The following ARFGEF3 variants were observed in gnomAD, a reference collection of about 807,000 sequenced individuals.
The protein encoded by ARFGEF3 is brefeldin A-inhibited guanine nucleotide-exchange protein 3.
A neutral mutation model predicts 221.7 loss-of-function variants in ARFGEF3; 96 were observed. The ratio of observed to expected loss-of-function variants is 0.43; its 90% confidence interval spans 0.37 to 0.51. The LOEUF is 0.51. Among genes scored for constraint, ARFGEF3 ranks in the 20% least tolerant of loss-of-function variants. The pLI is 0.00. For synonymous variants in ARFGEF3, 1,145 were observed against 1,126.8 expected (o/e 1.02, Z -0.32); for missense variants, 2,410 against 2,789.9 (o/e 0.86, Z 3.07).
Position 138,317,259 on chromosome 6 carries a change from G to A in ARFGEF3, c.4354G>A (p.Glu1452Lys). The change falls in exon 27 of 34, where the codon GAA (glutamate) becomes AAA (lysine). Residue 1452 changes from glutamate (E) to lysine (K), a missense_variant. Transcript: ENST00000251691. ...SDFDDDTGLIEVWIILLEQLT... is the reference protein window; with the variant it reads ...SDFDDDTGLIKVWIILLEQLT... Reference sequence around the variant, plus strand: ...TGCTTTTTGGTTTCCAGGTCTGATAGAAGTCTGGATAATCCTGCTGGAGCA... The same window carrying A: ...TGCTTTTTGGTTTCCAGGTCTGATAAAAGTCTGGATAATCCTGCTGGAGCA... 6.2e-7 allele frequency: 1 copy of A among 1,613,440 alleles called. No individual in the cohort carries two copies. Among genetic ancestry groups the A allele is most frequent in the Non-Finnish European group, 8.5e-7 (1 of 1,179,734 alleles).
chr6:138,311,566 G>C (rs45572337), intron 25 of ARFGEF3, 56 bp downstream of exon 25: 55,514 of 1,203,252 alleles, frequency 0.046, 1,375 homozygotes, highest in Non-Finnish European at 0.05. Flanking sequence ...GGAACATGCT[G>C]CCAAAACATG....
rs1213222032 is a variant in ARFGEF3 at position 138,162,179 on chromosome 6, T to G, written c.85+8T>G. On this transcript the variant is annotated splice_region_variant and intron_variant, in intron 1 of 33. Transcript: ENST00000251691. This position sits in a 1 kb window ranked among gnomAD's most constrained non-coding sequence, Gnocchi z 4.7. Reference sequence around the variant, plus strand: ...GCTGCACCTGGGCCCTGGGTAAGCGTCCGGCACCTGCTCGCCGCGGCGGGA... The same window carrying G: ...GCTGCACCTGGGCCCTGGGTAAGCGGCCGGCACCTGCTCGCCGCGGCGGGA... The G allele has an allele frequency of 6.3e-7, 1 of 1,592,242 alleles. No individual in the cohort carries two copies. Among genetic ancestry groups the G allele is most frequent in the East Asian group, 2.3e-5 (1 of 42,844 alleles).
chr6:138,287,227 A>C, intron 17 of ARFGEF3, 43 bp downstream of exon 17: 1 of 1,445,416 alleles, frequency 6.9e-7, no homozygotes, highest in South Asian at 1.2e-5. Context: ...CCTTGGGTGC[A>C]GTATGCACAC....
chr6:138,310,825 T>C (rs1339314954), intron 24 of ARFGEF3, among the ~76,000 whole-genome samples: 1 of 152,258 alleles, frequency 6.6e-6, no homozygotes, highest in Non-Finnish European at 1.5e-5. Flanking sequence ...AGAAAAATCA[T>C]TTAAATGCAA....
At chr6:138,231,782 G>A (rs967231569) in intron 5 of ARFGEF3, among the ~76,000 whole-genome samples, 2 of 152,122 alleles carry the variant, frequency 1.3e-5, no homozygotes, top group Non-Finnish European at 2.9e-5. Flanking sequence ...ATCAGGAAGT[G>A]GGATGTGTAC....
intron 1 of ARFGEF3, among the ~76,000 whole-genome samples, chr6:138,165,925 A>C (rs1192628928): frequency 6.6e-6 from 1 of 152,228 alleles, no homozygotes; most frequent in East Asian, 1.9e-4. Context: ...CTGATGGTTC[A>C]TGAGTGTATC....
At chr6:138,331,824 G>A (rs1027377002) in intron 32 of ARFGEF3, among the ~76,000 whole-genome samples, 2 of 152,162 alleles carry the variant, frequency 1.3e-5, no homozygotes, top group Non-Finnish European at 2.9e-5. Flanking sequence ...AGATGATTAA[G>A]AATTGCATAT....
chr6:138,226,802 A>G (rs938250314), intron 4 of ARFGEF3, among the ~76,000 whole-genome samples: 1 of 152,224 alleles, frequency 6.6e-6, no homozygotes, highest in Non-Finnish European at 1.5e-5. Context: ...GAATTAATAC[A>G]TGCTAAGCAT....
At chr6:138,231,587 T>C (rs1467998289) in intron 5 of ARFGEF3, among the ~76,000 whole-genome samples, 3 of 152,186 alleles carry the variant, frequency 2.0e-5, no homozygotes, top group Non-Finnish European at 1.5e-5. Flanking sequence ...TCCAGCCACA[T>C]GGTAAATGTG....
rs867667914 is a variant in ARFGEF3 at position 138,291,779 on chromosome 6, G to T, written c.3094G>T (p.Gly1032Cys). 6.9e-7 allele frequency: 1 copy of T among 1,459,046 alleles called. No individual in the cohort carries two copies. The highest frequency in any genetic ancestry group is 9.1e-7 in the Non-Finnish European group (1 of 1,103,768). 90.4% of individuals were successfully genotyped at this position (1,459,046 alleles called of 1,614,324 possible). ...CCTGGAGCACAACCACTTCAGCGAT[G>T]GTGCCTCGCAGCCCCCTCTGACCAT... ...GTLEHNHFSDGASQPPLTISQ... is the reference protein window; with the variant it reads ...GTLEHNHFSDCASQPPLTISQ... The change falls in exon 19 of 34, where the codon GGT becomes TGT. Residue 1032 changes from glycine (G) to cysteine (C), a missense_variant. Physicochemically the swap from Gly to Cys is radical, Grantham distance 159. Around this residue, in one of 5 missense-constraint regions of ARFGEF3, gnomAD observed 594 missense variants for 734.3 expected, o/e 0.81. Transcript: ENST00000251691. The surrounding 1 kb of genome is among the most constrained non-coding windows in gnomAD (Gnocchi z 4.5).
At chr6:138,299,183 C>T (rs1225314053) in intron 22 of ARFGEF3, among the ~76,000 whole-genome samples, 1 of 109,776 alleles carries the variant, frequency 9.1e-6, no homozygotes, top group Non-Finnish European at 1.7e-5. Context: ...GCCTGAGTGA[C>T]AGAGCGAGAC....
At chr6:138,213,084 T>G (rs1460442817) in intron 4 of ARFGEF3, among the ~76,000 whole-genome samples, 1 of 151,786 alleles carries the variant, frequency 6.6e-6, no homozygotes, top group Non-Finnish European at 1.5e-5. Flanking sequence ...GTCAGGAGAT[T>G]GAGACCATCC....
intron 2 of ARFGEF3, among the ~76,000 whole-genome samples, chr6:138,190,547 A>G (rs1289643092): frequency 3.3e-5 from 5 of 152,220 alleles, no homozygotes; most frequent in Non-Finnish European, 5.9e-5. Flanking sequence ...AGCTTTTACT[A>G]TATCTGAGGC....
intron 12 of ARFGEF3, among the ~76,000 whole-genome samples, chr6:138,265,965 C>T (rs911384778): frequency 6.6e-6 from 1 of 152,006 alleles, no homozygotes; most frequent in Non-Finnish European, 1.5e-5. Context: ...CCTGCCATCC[C>T]AGCACTTTAG....
intron 2 of ARFGEF3, among the ~76,000 whole-genome samples, chr6:138,176,291 C>T (rs973759672): frequency 6.6e-6 from 1 of 151,548 alleles, no homozygotes; most frequent in Admixed American, 6.6e-5. Context: ...AAGTGATTCT[C>T]CTGCCTCAGC....
At chr6:138,174,334 G>A (rs1021693746) in intron 2 of ARFGEF3, among the ~76,000 whole-genome samples, 1 of 151,800 alleles carries the variant, frequency 6.6e-6, no homozygotes, top group African/African-American at 2.4e-5. Context: ...ATACAGTAAT[G>A]GGCTTTTCCC....
chr6:138,344,236 T>G lies in ARFGEF3; in HGVS notation c.*7750T>G, dbSNP rs1780478169. 1 of 152,220 alleles carries G rather than the reference T, an allele frequency of 6.6e-6. No individual in the cohort carries two copies. The highest frequency in any genetic ancestry group is 2.1e-4 in the South Asian group (1 of 4,832). 9.4% of individuals were successfully genotyped at this position (152,220 alleles called of 1,614,324 possible). ...TGAAGCTTGTTATAGCCATAATGAT[T>G]TGAGTCAGTATACCATTTTACCTAT... is the stretch of plus-strand genomic sequence containing the variant. On this transcript the variant is annotated 3_prime_UTR_variant, in exon 34 of 34. Coordinates refer to ENST00000251691, the MANE Select transcript of ARFGEF3 (RefSeq NM_020340.5).
intron 1 of ARFGEF3, among the ~76,000 whole-genome samples, chr6:138,165,685 C>T (rs987512150): frequency 6.6e-6 from 1 of 152,034 alleles, no homozygotes; most frequent in Non-Finnish European, 1.5e-5. Flanking sequence ...TACTTAGACC[C>T]TCAGGAGAGA....
chr6:138,286,669 T>C (rs747570591), intron 15 of ARFGEF3, 32 bp from the exon 16 acceptor site: 4 of 1,602,062 alleles, frequency 2.5e-6, no homozygotes, highest in Non-Finnish European at 1.7e-6. Context: ...TTTTTGTCTC[T>C]AGAAAATGAC....
Sources: gnomAD v4.1 joint callset for allele counts (sites outside exome capture counted in the v4.1 genomes callset) on GRCh38, gnomAD v4.1.1 for gene constraint, gnomAD v4.1.1 regional missense constraint, Gnocchi (gnomAD v3.1) non-coding constraint, MANE v1.5 for transcripts, NCBI Gene and HGNC (gene_info 2026-07-23, HGNC 2026-07-21) for gene names.